The following DCAF1 variants were observed in gnomAD, a reference collection of about 807,000 sequenced individuals.
DCAF1 encodes the protein DDB1- and CUL4-associated factor 1.
A neutral mutation model predicts 128.0 loss-of-function variants in DCAF1; 15 were observed. The ratio of observed to expected loss-of-function variants is 0.12; its 90% CI spans 0.08 to 0.18. DCAF1 has a LOEUF of 0.18. Ranked by LOEUF, DCAF1 falls within the 10% of genes least tolerant of loss-of-function variation. The pLI is 1.00. For missense variants in DCAF1, 988 were observed against 1,649.5 expected (o/e 0.60, Z 6.95); for synonymous variants, 610 against 603.0 (o/e 1.01, Z -0.17).
chr3:51,416,613 C>G (rs1553630437), intron 18 of DCAF1, among the ~76,000 whole-genome samples, 174 bp downstream of exon 18: 1 of 152,214 alleles, frequency 6.6e-6, no homozygotes, highest in African/African-American at 2.4e-5. Context: ...AGCCCTTATA[C>G]ATTTTTCCCA....
At chr3:51,493,665 C>A (rs1392675138) in intron 2 of DCAF1, among the ~76,000 whole-genome samples, 1 of 151,920 alleles carries the variant, frequency 6.6e-6, no homozygotes, top group African/African-American at 2.4e-5. Flanking sequence ...AATAAGAAAG[C>A]AGACACAAAA....
intron 3 of DCAF1, among the ~76,000 whole-genome samples, chr3:51,477,061 GA>G (rs1303426831): frequency 6.6e-6 from 1 of 151,814 alleles, no homozygotes; most frequent in Non-Finnish European, 1.5e-5. Flanking sequence ...CAGCCTGAGC[GA>G]CAGAGTGAGA....
At chr3:51,432,046 G>A (rs1018585631) in intron 10 of DCAF1, among the ~76,000 whole-genome samples, 5 of 151,560 alleles carry the variant, frequency 3.3e-5, no homozygotes, top group Admixed American at 1.3e-4. Context: ...GCCAAGGTGC[G>A]GGAATCACAA....
At position 51,412,394 on chromosome 3, in the gene DCAF1, A is replaced by T; in HGVS notation, c.4197T>A (p.Asp1399Glu). 6.2e-7 allele frequency: 1 copy of T among 1,613,884 alleles called. No individual in the cohort carries two copies. The change falls in exon 23 of 25, where the codon GAT (aspartate) becomes GAA (glutamate). Residue 1399 changes from aspartate (D) to glutamate (E), a missense_variant. By Grantham distance (45) the Asp-to-Glu change is conservative. Transcript: ENST00000684031. Reference protein sequence around the residue: ...VGRQRLAEDEDEEEDQEEEEQ... With the variant: ...VGRQRLAEDEEEEEDQEEEEQ... ...GACCACTGACCTGGTCCTCCTCTTC[A>T]TCCTCATCCTCTGCCAGACGCTGCC... is the stretch of plus-strand genomic sequence containing the variant.
intron 4 of DCAF1, among the ~76,000 whole-genome samples, chr3:51,469,522 G>A (rs1015579885): frequency 7.2e-5 from 11 of 151,810 alleles, no homozygotes; most frequent in Non-Finnish European, 1.3e-4. Context: ...GAGCCACAGC[G>A]CCAGGCCAAA....
chr3:51,451,069 CTTTTTTTTT>C (rs1167474829), intron 6 of DCAF1, among the ~76,000 whole-genome samples: 16 of 27,110 alleles, frequency 5.9e-4, no homozygotes, highest in East Asian at 2.8e-3. Flanking sequence ...AAAGGAAATT[CTTTTTTTTT>C]TTTTTTTTTT....
At chr3:51,445,731 T>C (rs1279360507) in intron 6 of DCAF1, among the ~76,000 whole-genome samples, 2 of 152,192 alleles carry the variant, frequency 1.3e-5, no homozygotes, top group Admixed American at 6.6e-5. Context: ...CTTTACTAGA[T>C]GAGGCCAAAT....
intron 6 of DCAF1, among the ~76,000 whole-genome samples, chr3:51,451,467 T>A (rs1186442418): frequency 6.6e-6 from 1 of 151,632 alleles, no homozygotes; most frequent in East Asian, 1.9e-4. Flanking sequence ...TTCGTATATA[T>A]TTAAAAAATA....
intron 3 of DCAF1, among the ~76,000 whole-genome samples, chr3:51,479,314 C>G (rs1553651827): frequency 6.6e-6 from 1 of 151,682 alleles, no homozygotes; most frequent in African/African-American, 2.4e-5. Context: ...CCAGCCTGGG[C>G]AACATAGCGA....
chr3:51,422,224 T>C, intron 14 of DCAF1, 83 bp downstream of exon 14: 1 of 695,080 alleles, frequency 1.4e-6, no homozygotes, highest in South Asian at 1.5e-5. Context: ...CAAAATTAGG[T>C]CAGGTAAGTA....
At chr3:51,396,526 G>A (rs1026654378), downstream of DCAF1, 1 of 167,110 alleles carries the variant, frequency 6.0e-6, no homozygotes, top group Non-Finnish European at 1.5e-5. Context: ...GGCATCCAGT[G>A]CCCCCACCCA....
chr3:51,396,799 G>T (rs1175172713), downstream of DCAF1: 1 of 167,128 alleles, frequency 6.0e-6, no homozygotes, highest in Admixed American at 6.5e-5. Flanking sequence ...AGTTGAGACT[G>T]GCTCCGTTGA....
In DCAF1 at chr3:51,412,986, C is replaced by T. The variant is rs781897824; in HGVS notation, c.4110+7G>A. The T allele has an allele frequency of 6.8e-6, 11 of 1,613,682 alleles. No individual in the cohort carries two copies. The highest frequency in any genetic ancestry group is 9.3e-6 in the Non-Finnish European group (11 of 1,179,810). On this transcript the variant is annotated splice_region_variant and intron_variant, in intron 22 of 24. Coordinates refer to ENST00000684031, the MANE Select transcript of DCAF1 (RefSeq NM_001387579.1). ...AAAAGAGCAGGGCCTCTGCAAGCTC[C>T]CTTTACCTCAATGACAGCAAGATAG...
At chr3:51,461,252 G>T (rs1399861435) in intron 6 of DCAF1, among the ~76,000 whole-genome samples, 1 of 151,960 alleles carries the variant, frequency 6.6e-6, no homozygotes, top group African/African-American at 2.4e-5. Flanking sequence ...GTGGGCGAAG[G>T]ATATGAACAG....
At chr3:51,480,451 T>G (rs1706037084) in intron 3 of DCAF1, among the ~76,000 whole-genome samples, 2 of 151,542 alleles carry the variant, frequency 1.3e-5, no homozygotes, top group South Asian at 4.2e-4. Context: ...AAAAATAAGC[T>G]GGGCGTGCGT....
At chr3:51,439,222 G>T (rs1330879495) in intron 9 of DCAF1, among the ~76,000 whole-genome samples, 1 of 151,916 alleles carries the variant, frequency 6.6e-6, no homozygotes, top group Admixed American at 6.6e-5. Flanking sequence ...TCCGCCTCCC[G>T]GGTTCAAGTG....
intron 6 of DCAF1, among the ~76,000 whole-genome samples, chr3:51,449,018 C>G (rs1407211860): frequency 1.3e-5 from 2 of 151,732 alleles, no homozygotes; most frequent in African/African-American, 4.8e-5. Flanking sequence ...TGGAATGAAA[C>G]TAGAAATCAA....
intron 11 of DCAF1, 93 bp from the exon 12 acceptor site, chr3:51,429,563 T>A (rs1287500333): frequency 1.4e-6 from 1 of 693,124 alleles, no homozygotes; most frequent in African/African-American, 1.8e-5. Context: ...TTTAGTAAAC[T>A]TTTTTTACTT....
intron 9 of DCAF1, among the ~76,000 whole-genome samples, chr3:51,437,140 G>A (rs1189851748): frequency 6.6e-6 from 1 of 152,118 alleles, no homozygotes; most frequent in Non-Finnish European, 1.5e-5. Flanking sequence ...GCACATGCCT[G>A]TAATCTCAGC....
Sources: allele counts gnomAD v4.1 joint callset (sites outside exome capture counted in the v4.1 genomes callset), GRCh38; gene constraint gnomAD v4.1.1; transcripts MANE v1.5; gene names NCBI Gene and HGNC (gene_info 2026-07-23, HGNC 2026-07-21).